The following DNAH10 variants were observed in gnomAD, a reference collection of about 807,000 sequenced individuals.
DNAH10 encodes axonemal beta dynein heavy chain 10.
A neutral mutation model predicts 506.6 loss-of-function variants in DNAH10; 348 were observed. The ratio of observed to expected loss-of-function variants is 0.69; its 90% CI spans 0.63 to 0.75. The LOEUF (loss-of-function observed/expected upper bound fraction) is 0.75, where lower values mean the gene tolerates loss of function less well. Among genes scored for constraint, DNAH10 ranks in the 30% least tolerant of loss-of-function variants. The probability of loss-of-function intolerance (pLI) is 0.00; values close to 1 mark genes in which losing one functional copy is unlikely to be tolerated. For synonymous variants in DNAH10, 2,059 were observed against 2,198.6 expected (o/e 0.94, Z 1.78); for missense variants, 5,179 against 5,787.1 (o/e 0.89, Z 3.41).
chr12:123,805,865 C>T (rs1324134245), intron 18 of DNAH10, among the ~76,000 whole-genome samples: 23 of 151,802 alleles, frequency 1.5e-4, no homozygotes, highest in Non-Finnish European at 1.5e-5. Context: ...CAAGCTCCGC[C>T]TCCCGGGTTC....
intron 52 of DNAH10, among the ~76,000 whole-genome samples, chr12:123,891,141 G>A (rs1228523878): frequency 6.6e-6 from 1 of 152,098 alleles, no homozygotes; most frequent in East Asian, 1.9e-4. Context: ...GCTGCTGACA[G>A]TCTTTGGTGT....
chr12:123,910,083 A>G (rs1237298584), intron 58 of DNAH10, among the ~76,000 whole-genome samples: 1 of 152,220 alleles, frequency 6.6e-6, no homozygotes, highest in Non-Finnish European at 1.5e-5. Flanking sequence ...TTAGCCCCTT[A>G]AAAACAAAAG....
chr12:123,767,724 C>T (rs752629985), intron 2 of DNAH10, 35 bp downstream of exon 2: 2 of 1,571,780 alleles, frequency 1.3e-6, no homozygotes, highest in Admixed American at 1.8e-5. Context: ...GAGGGTGGAA[C>T]TGAGAAAGCC....
chr12:123,894,399 G>A (rs908528149), intron 53 of DNAH10, among the ~76,000 whole-genome samples: 3 of 152,024 alleles, frequency 2.0e-5, no homozygotes, highest in African/African-American at 7.2e-5. Flanking sequence ...TGGGATTACA[G>A]GTGTGCACCA....
Position 123,853,392 on chromosome 12 carries a change from C to T in DNAH10, c.6438+40C>T, listed in dbSNP as rs779108182. On this transcript the variant is annotated intron_variant, in intron 36 of 78. Coordinates refer to ENST00000673944, the MANE Select transcript of DNAH10 (RefSeq NM_001372106.1). This position sits in a 1 kb window ranked among gnomAD's most constrained non-coding sequence, Gnocchi z 4.7. ...CTGGAACATTCTCTGGTTTCAGCTGCTTCAGGCATTTACTACGTGCCATTG... is the reference window on the plus strand; with the variant it reads ...CTGGAACATTCTCTGGTTTCAGCTGTTTCAGGCATTTACTACGTGCCATTG... The T allele has an allele frequency of 3.1e-6, 5 of 1,591,878 alleles. No individual in the cohort carries two copies. The East Asian group carries it at 1.1e-4, about 36-fold the overall frequency.
intron 65 of DNAH10, among the ~76,000 whole-genome samples, chr12:123,922,265 G>T (rs1014577955): frequency 8.8e-5 from 12 of 136,110 alleles, no homozygotes; most frequent in Admixed American, 3.5e-4. Flanking sequence ...CCCAGCTACT[G>T]GGGGGGAGGC....
chr12:123,785,749 A>G lies in DNAH10; in HGVS notation c.1234A>G (p.Ile412Val), dbSNP rs1360096103. Residue 412 changes from isoleucine (I) to valine (V), a missense_variant, in exon 9 of 79, where the codon ATA (isoleucine) becomes GTA (valine). Physicochemically the swap from Ile to Val is conservative, Grantham distance 29. Around this residue, in one of 3 missense-constraint regions of DNAH10, gnomAD observed 4,844 missense variants for 5,430.5 expected, o/e 0.89. Coordinates refer to ENST00000673944, the MANE Select transcript of DNAH10 (RefSeq NM_001372106.1). The surrounding 1 kb of genome is among the most constrained non-coding windows in gnomAD (Gnocchi z 4.1). ...LSTVERYFKN[I>V]THGSGFHVVL... is the part of the protein sequence containing the mutation. ...GGCTCTCTCCTCTCTTGGTCAGAAC[A>G]TAACGCACGGGTCTGGCTTCCACGT... 2 of 1,608,954 alleles carry G rather than the reference A, an allele frequency of 1.2e-6. No homozygotes were observed. Among genetic ancestry groups the G allele is most frequent in the South Asian group, 1.1e-5 (1 of 90,800 alleles).
chr12:123,934,526 T>C, intron 77 of DNAH10, 95 bp from the exon 78 acceptor site: 3 of 1,498,852 alleles, frequency 2.0e-6, no homozygotes, highest in Non-Finnish European at 2.7e-6. Flanking sequence ...GGCCAGCCAG[T>C]GGCCTGTGTG....
Position 123,845,665 on chromosome 12 carries a change from G to A in DNAH10, c.5426G>A (p.Trp1809Ter). The stretch of plus-strand genomic sequence containing the variant: ...GCCGCTAGCCAGGTGTGGTGGACCT[G>A]GGAGGTGGAAGACGTCTTCCACAAA... ...VLAASQVWWT[W>*]EVEDVFHKAQ... The change falls in exon 31 of 79, where the codon TGG becomes TAG. Residue 1809 changes from tryptophan (W) to a stop codon, truncating the protein, a stop_gained. Coordinates refer to ENST00000673944, the MANE Select transcript of DNAH10 (RefSeq NM_001372106.1). LOFTEE classifies it high-confidence loss of function. 1 of 1,613,742 alleles carries A rather than the reference G, an allele frequency of 6.2e-7. No homozygotes were observed. Among genetic ancestry groups the A allele is most frequent in the Admixed American group, 1.7e-5 (1 of 59,996 alleles).
chr12:123,934,788 C>T (rs1258425149), intron 78 of DNAH10, 22 bp downstream of exon 78: 2 of 1,612,586 alleles, frequency 1.2e-6, no homozygotes, highest in South Asian at 1.1e-5. Flanking sequence ...AGCCCCTCCT[C>T]TCTGACACCA....
Position 123,929,760 on chromosome 12 carries a change from G to A in DNAH10, c.12612+1G>A, listed in dbSNP as rs1955119765. On this transcript the variant is annotated splice_donor_variant, in intron 72 of 78. Transcript: ENST00000673944. LOFTEE classifies it high-confidence loss of function. The stretch of plus-strand genomic sequence containing the variant: ...CAGCCTCAAGTACCTAATTGGAGAG[G>A]TAGGGGTGACCGGGGATCCTTCCGC... 1.9e-6 allele frequency: 3 copies of A among 1,610,518 alleles called. No homozygotes were observed. Among genetic ancestry groups the A allele is most frequent in the African/African-American group, 2.7e-5 (2 of 74,880 alleles).
intron 17 of DNAH10, among the ~76,000 whole-genome samples, chr12:123,804,160 G>A (rs77158395): frequency 0.088 from 13,346 of 151,956 alleles, 1,009 homozygotes; most frequent in African/African-American, 0.21. Flanking sequence ...GAAAGCCTGT[G>A]GTACTTTGTT....
intron 37 of DNAH10, among the ~76,000 whole-genome samples, chr12:123,858,851 C>T (rs1484132674): frequency 1.3e-5 from 2 of 152,102 alleles, no homozygotes; most frequent in East Asian, 1.9e-4. Context: ...TCTAGGATCC[C>T]ATTTCCATGA....
chr12:123,844,820 G>A (rs1272742528), intron 30 of DNAH10, among the ~76,000 whole-genome samples: 1 of 151,950 alleles, frequency 6.6e-6, no homozygotes, highest in Non-Finnish European at 1.5e-5. Context: ...TGTATTTTTG[G>A]TAGAGACAAG....
chr12:123,919,058 C>T lies in DNAH10; in HGVS notation c.11506+109C>T. ...GGAAAGTTACCAAATAGCATTTTTTCTTTTTTCTTTCTTTCTTTCTTTTTC... is the reference window on the plus strand; with the variant it reads ...GGAAAGTTACCAAATAGCATTTTTTTTTTTTTCTTTCTTTCTTTCTTTTTC... On this transcript the variant is annotated intron_variant, in intron 65 of 78. Coordinates refer to ENST00000673944, the MANE Select transcript of DNAH10 (RefSeq NM_001372106.1). The surrounding 1 kb of genome is among the most constrained non-coding windows in gnomAD (Gnocchi z 4.9). 2.3e-6 allele frequency: 3 copies of T among 1,328,602 alleles called. No individual in the cohort carries two copies. Among genetic ancestry groups the T allele is most frequent in the South Asian group, 3.4e-5 (2 of 59,438 alleles). The allele number at this position is 1,328,602 out of a possible 1,614,324, so 82.3% of individuals were successfully genotyped here.
chr12:123,918,729 G>A lies in DNAH10; in HGVS notation c.11286G>A (p.Leu3762=). Residue 3762 remains leucine (L), a synonymous_variant, in exon 65 of 79, where the codon CTG becomes CTA. Transcript: ENST00000673944. ...AEKTALDIDR[L]RDGYRPAARR... is the part of the protein sequence containing the mutation. ...AGACAGCCTTGGACATCGACAGGCTGCGGGATGGCTACCGGCCAGCAGCCA... is the reference window on the plus strand; with the variant it reads ...AGACAGCCTTGGACATCGACAGGCTACGGGATGGCTACCGGCCAGCAGCCA... The A allele has an allele frequency of 6.3e-7, 1 of 1,599,078 alleles. No homozygotes were observed. The highest frequency in any genetic ancestry group is 8.6e-7 in the Non-Finnish European group (1 of 1,168,944).
intron 19 of DNAH10, among the ~76,000 whole-genome samples, chr12:123,811,661 T>C (rs1481414149): frequency 1.3e-5 from 2 of 152,064 alleles, no homozygotes; most frequent in Admixed American, 6.6e-5. Context: ...CCACCACGCC[T>C]GGCTAATTCT....
intron 44 of DNAH10, 143 bp from the exon 45 acceptor site, chr12:123,871,313 TG>T: frequency 1.1e-6 from 1 of 940,160 alleles, no homozygotes; most frequent in Non-Finnish European, 1.6e-6. Context: ...TACACTTCAA[TG>T]GGTGAATGTT....
At position 123,917,589 on chromosome 12, in the gene DNAH10, C is replaced by G. The variant is rs1182680706; in HGVS notation, c.11008C>G (p.Leu3670Val). The G allele has an allele frequency of 1.9e-6, 3 of 1,551,276 alleles. No individual in the cohort carries two copies. The Admixed American group carries it at 5.9e-5, about 30-fold the overall frequency. ...KAMVINYTVT[L>V]KGLEDQLLSV... ...CCTCTCACTGTCCCCCACAGTCACG[C>G]TGAAGGGCCTGGAGGACCAGCTGCT... Residue 3670 changes from leucine to valine, a missense_variant, in exon 64 of 79, where the codon CTG (leucine) becomes GTG (valine). Around this residue, in one of 3 missense-constraint regions of DNAH10, gnomAD observed 4,844 missense variants for 5,430.5 expected, o/e 0.89. Coordinates refer to ENST00000673944, the MANE Select transcript of DNAH10 (RefSeq NM_001372106.1). The surrounding 1 kb of genome is among the most constrained non-coding windows in gnomAD (Gnocchi z 5.6).
Sources: allele counts gnomAD v4.1 joint callset (sites outside exome capture counted in the v4.1 genomes callset), GRCh38; gene constraint gnomAD v4.1.1; regional missense constraint gnomAD v4.1.1; non-coding constraint Gnocchi (gnomAD v3.1); transcripts MANE v1.5; gene names NCBI Gene and HGNC (gene_info 2026-07-23, HGNC 2026-07-21).